ARMC2: variants seen among roughly 807,000 people sequenced by gnomAD.
ARMC2 encodes the protein armadillo repeat containing 2.
A neutral mutation model predicts 90.3 loss-of-function variants in ARMC2; 67 were observed. The ratio of observed to expected loss-of-function variants is 0.74; its 90% CI spans 0.61 to 0.91. The LOEUF is 0.91. Among genes scored for constraint, ARMC2 ranks in the 40% least tolerant of loss-of-function variants. The pLI is 0.00. For synonymous variants in ARMC2, 393 were observed against 393.0 expected, an observed-to-expected ratio of 1.00 and a Z score of 0.00; for missense variants, 920 against 1,030.9, an observed-to-expected ratio of 0.89 and a Z score of 1.47.
chr6:108,900,865 T>C (rs1222370081), intron 7 of ARMC2, among the ~76,000 whole-genome samples: 1 of 152,088 alleles, frequency 6.6e-6, no homozygotes, highest in Non-Finnish European at 1.5e-5. Flanking sequence ...GTCCTAAGGA[T>C]ATGAATGTGA....
the ARMC2 span, chr6:108,987,585 G>T: frequency 1.2e-6 from 2 of 1,605,928 alleles, no homozygotes. Flanking sequence ...GCATAAAGGA[G>T]TTCTGCTTGC....
intron 2 of ARMC2, among the ~76,000 whole-genome samples, chr6:108,855,371 C>T (rs574728189): frequency 1.3e-5 from 2 of 151,816 alleles, no homozygotes; most frequent in South Asian, 4.2e-4. Context: ...GCCTCAGCCT[C>T]CCAAGTAGCT....
chr6:108,915,542 T>C (rs894714299), intron 10 of ARMC2, among the ~76,000 whole-genome samples: 1 of 152,168 alleles, frequency 6.6e-6, no homozygotes, highest in African/African-American at 2.4e-5. Flanking sequence ...AGCAGCTCCG[T>C]TGGGCTCATT....
Position 108,936,922 on chromosome 6 carries a change from T to G in ARMC2, c.1519T>G (p.Cys507Gly). 1 of 1,602,172 alleles carries G rather than the reference T, an allele frequency of 6.2e-7. No individual in the cohort carries two copies. Among genetic ancestry groups the G allele is most frequent in the African/African-American group, 1.3e-5 (1 of 74,996 alleles). ...CAGCAAACTTACTTCTTACCGTGAC[T>G]GCTGCACAGCCTTGGCCAGCTATTC... The part of the protein sequence containing the change: ...IFSKLTSYRD[C>G]CTALASYSRC... The change falls in exon 12 of 18, where the codon TGC (cysteine) becomes GGC (glycine). Residue 507 changes from cysteine (C) to glycine (G), a missense_variant. Physicochemically the swap from Cys to Gly is radical, Grantham distance 159. Coordinates refer to ENST00000392644, the MANE Select transcript of ARMC2 (RefSeq NM_032131.6).
intron 8 of ARMC2, 56 bp downstream of exon 8, chr6:108,904,461 A>G: frequency 2.8e-6 from 4 of 1,435,906 alleles, no homozygotes; most frequent in Non-Finnish European, 3.8e-6. Context: ...GCTTTGTTTA[A>G]TGCTTTATTT....
In ARMC2 at chr6:108,912,509, T is replaced by C. The variant is rs2128472686; in HGVS notation, c.1301T>C (p.Ile434Thr). ...TTGATAAAACAAATAAATGAGAACA[T>C]CAAGAAATGTGGTACATTTTTGCCT... The part of the protein sequence containing the change: ...INLIKQINEN[I>T]KKCGTFLPNS... The change falls in exon 10 of 18, where the codon ATC becomes ACC. Residue 434 changes from isoleucine to threonine, a missense_variant. By Grantham distance (89) the Ile-to-Thr change is moderately conservative (BLOSUM62 -1). Coordinates refer to ENST00000392644, the MANE Select transcript of ARMC2 (RefSeq NM_032131.6). 1 of 1,613,984 alleles carries C rather than the reference T, an allele frequency of 6.2e-7. No homozygotes were observed. The highest frequency in any genetic ancestry group is 8.5e-7 in the Non-Finnish European group (1 of 1,179,864).
Position 108,899,740 on chromosome 6 carries a change from CG to C in ARMC2, c.796del (p.Glu266LysfsTer15). The stretch of plus-strand genomic sequence containing the variant: ...AAGAGGACGCAGAAATAGAAGTAGA[CG>C]AAGTCTTTTGGAATACAAGGATTGT... ...QEEDAEIEVD[E>X]VFWNTRIVPI... On this transcript the variant is annotated frameshift_variant, in exon 7 of 18. Coordinates refer to ENST00000392644, the MANE Select transcript of ARMC2 (RefSeq NM_032131.6). LOFTEE classifies it high-confidence loss of function. The C allele has an allele frequency of 4.3e-6, 7 of 1,613,386 alleles. No individual in the cohort carries two copies. In the South Asian group the frequency reaches 7.7e-5, roughly 18 times the overall value.
At chr6:108,926,184 G>A (rs896631998) in intron 10 of ARMC2, among the ~76,000 whole-genome samples, 1 of 152,154 alleles carries the variant, frequency 6.6e-6, no homozygotes, top group Non-Finnish European at 1.5e-5. Context: ...CTGTTGGTGT[G>A]CAGTGACTGG....
chr6:108,911,055 A>G, intron 9 of ARMC2, 54 bp downstream of exon 9: 1 of 1,067,316 alleles, frequency 9.4e-7, no homozygotes, highest in Non-Finnish European at 1.4e-6. Context: ...AGTAAAAATT[A>G]GAAGTCTGGA....
chr6:108,948,023 T>C (rs1776925474), intron 12 of ARMC2, among the ~76,000 whole-genome samples: 1 of 152,234 alleles, frequency 6.6e-6, no homozygotes, highest in South Asian at 2.1e-4. Flanking sequence ...GAGCTGCATA[T>C]TGATGAAATC....
chr6:109,029,654 G>C, the ARMC2 span, among the ~76,000 whole-genome samples: 1 of 152,194 alleles, frequency 6.6e-6, no homozygotes, highest in South Asian at 2.1e-4. Flanking sequence ...TCCTGTCTTA[G>C]CCTCCCAAGT....
the ARMC2 span, among the ~76,000 whole-genome samples, chr6:108,999,351 T>C: frequency 6.6e-6 from 1 of 152,206 alleles, no homozygotes; most frequent in Non-Finnish European, 1.5e-5. Context: ...ATTGTATTAA[T>C]ATATTCAAAT....
the ARMC2 span, among the ~76,000 whole-genome samples, chr6:108,995,947 G>A: frequency 2.0e-5 from 3 of 152,178 alleles, no homozygotes; most frequent in African/African-American, 7.2e-5. Flanking sequence ...TTACATCCTT[G>A]TAAACACTGT....
chr6:108,896,150 A>T (rs1288986304), intron 6 of ARMC2, among the ~76,000 whole-genome samples: 1 of 152,168 alleles, frequency 6.6e-6, no homozygotes, highest in Non-Finnish European at 1.5e-5. Context: ...GTTGCTAAGG[A>T]TTTTACATTT....
intron 5 of ARMC2, among the ~76,000 whole-genome samples, chr6:108,878,098 A>G (rs1777114759): frequency 6.6e-6 from 1 of 152,200 alleles, no homozygotes; most frequent in Non-Finnish European, 1.5e-5. Context: ...AAGTTTACGT[A>G]GTAGGATTAA....
intron 5 of ARMC2, among the ~76,000 whole-genome samples, chr6:108,889,783 C>G (rs974244992): frequency 6.6e-6 from 1 of 151,812 alleles, no homozygotes; most frequent in African/African-American, 2.4e-5. Flanking sequence ...TTGTAGTCCA[C>G]TTCTCCCACT....
the ARMC2 span, among the ~76,000 whole-genome samples, chr6:109,015,540 A>T: frequency 2.0e-5 from 3 of 152,198 alleles, no homozygotes; most frequent in Admixed American, 1.3e-4. Context: ...GTCTGTTGAG[A>T]TATAAAAATT....
At chr6:108,964,064 T>C in intron 15 of ARMC2, 116 bp from the exon 16 acceptor site, 1 of 1,139,224 alleles carries the variant, frequency 8.8e-7, no homozygotes, top group African/African-American at 1.6e-5. Context: ...TTAAGTCCCT[T>C]AACAGGGGTT....
At chr6:108,960,637 A>T (rs548278766) in intron 13 of ARMC2, among the ~76,000 whole-genome samples, 57 of 152,344 alleles carry the variant, frequency 3.7e-4, no homozygotes, top group African/African-American at 1.3e-3. Flanking sequence ...TATGGAGAAA[A>T]TTAAAGCAGG....
Sources: allele counts gnomAD v4.1 joint callset (sites outside exome capture counted in the v4.1 genomes callset), GRCh38; gene constraint gnomAD v4.1.1; transcripts MANE v1.5; gene names NCBI Gene and HGNC (gene_info 2026-07-23, HGNC 2026-07-21).